The following SLC6A15 variants were observed in gnomAD, a reference collection of about 807,000 sequenced individuals.
The protein encoded by SLC6A15 is sodium-dependent neutral amino acid transporter B(0)AT2.
A neutral mutation model predicts 68.5 loss-of-function variants in SLC6A15; 33 were observed. The ratio of observed to expected loss-of-function variants is 0.48; its 90% CI spans 0.37 to 0.64. The LOEUF (loss-of-function observed/expected upper bound fraction) is 0.64, where lower values mean the gene tolerates loss of function less well. SLC6A15 is among the 30% of genes least tolerant of loss of function. The pLI is 0.00. For missense variants in SLC6A15, 747 were observed against 874.3 expected, an observed-to-expected ratio of 0.85 and a Z score of 1.84; for synonymous variants, 347 against 301.0, an observed-to-expected ratio of 1.15 and a Z score of -1.58.
At chr12:84,893,482 G>A (rs1046352081) in intron 1 of SLC6A15, among the ~76,000 whole-genome samples, 1 of 151,882 alleles carries the variant, frequency 6.6e-6, no homozygotes, top group East Asian at 1.9e-4. Context: ...CACAGACCAA[G>A]TAAATATATA....
At chr12:84,902,432 C>A (rs1305975156) in intron 1 of SLC6A15, among the ~76,000 whole-genome samples, 2 of 151,920 alleles carry the variant, frequency 1.3e-5, no homozygotes, top group Non-Finnish European at 2.9e-5. Flanking sequence ...TACAGCCACT[C>A]TGAAAAACAA....
At chr12:84,891,385 TATC>T (rs1023204502) in intron 2 of SLC6A15, among the ~76,000 whole-genome samples, 3 of 152,182 alleles carry the variant, frequency 2.0e-5, no homozygotes, top group Non-Finnish European at 4.4e-5. Context: ...CTAAGTTACA[TATC>T]ATTTTGTATT....
intron 1 of SLC6A15, among the ~76,000 whole-genome samples, chr12:84,903,958 T>C (rs1873008332): frequency 6.6e-6 from 1 of 152,178 alleles, no homozygotes. Context: ...TGTTCATACA[T>C]CCTTATACAA....
Position 84,873,269 on chromosome 12 carries a change from G to A in SLC6A15, c.927C>T (p.Ala309=). ...WREAATQVFF[A]LGLGFGGVIA... is the part of the protein sequence containing the mutation. Reference sequence around the variant, plus strand: ...TGACACCACCAAATCCCAGACCTAAGGCAAAGAACACTTGAGTAGCAGCTT... The same window carrying A: ...TGACACCACCAAATCCCAGACCTAAAGCAAAGAACACTTGAGTAGCAGCTT... Residue 309 remains alanine, a synonymous_variant, in exon 7 of 12, where the codon GCC becomes GCT. Coordinates refer to ENST00000266682, the MANE Select transcript of SLC6A15 (RefSeq NM_182767.6). 2 of 1,613,970 alleles carry A rather than the reference G, an allele frequency of 1.2e-6. No individual in the cohort carries two copies. Among genetic ancestry groups the A allele is most frequent in the East Asian group, 2.2e-5 (1 of 44,858 alleles).
At chr12:84,897,207 T>TAAATA (rs574836113) in intron 1 of SLC6A15, among the ~76,000 whole-genome samples, 146 of 151,206 alleles carry the variant, frequency 9.7e-4, no homozygotes, top group South Asian at 7.1e-3. Flanking sequence ...TCAAATAAAA[T>TAAATA]AAATAAAATA....
At chr12:84,902,652 AC>A (rs1872939619) in intron 1 of SLC6A15, among the ~76,000 whole-genome samples, 1 of 152,090 alleles carries the variant, frequency 6.6e-6, no homozygotes, top group Non-Finnish European at 1.5e-5. Context: ...ACCATGAACC[AC>A]TACTCAGCAG....
rs751082623 is a variant in SLC6A15, at chr12:84,892,140, T to TAA, written c.-21_-20insTT. On this transcript the variant is annotated 5_prime_UTR_variant, in exon 2 of 12. Transcript: ENST00000266682. ...GGGCATTGGAGAGTATGCGAAGTAT[T>TAA]TAAAAAAAAAAAAAAAAACTCCCTT... 1.4e-5 allele frequency: 19 copies of TAA among 1,399,214 alleles called. No homozygotes were observed. Among genetic ancestry groups the TAA allele is most frequent in the African/African-American group, 5.2e-5 (2 of 38,098 alleles). The allele number at this position is 1,399,214 out of a possible 1,614,324, so 86.7% of individuals were successfully genotyped here. A position where few individuals can be genotyped will look rare whatever the true frequency, so the allele number is the denominator to read the frequency against.
chr12:84,860,845 T>C lies in SLC6A15; in HGVS notation c.*787A>G, dbSNP rs991048934. 4.6e-5 allele frequency: 7 copies of C among 152,284 alleles called. 1 individual carries two copies. The highest frequency in any genetic ancestry group is 3.9e-4 in the East Asian group (2 of 5,192). 9.4% of individuals were successfully genotyped at this position (152,284 alleles called of 1,614,324 possible). A position where few individuals can be genotyped will look rare whatever the true frequency, so the allele number is the denominator to read the frequency against. ...TTGCAAGTATATTGTATAAATATAC[T>C]ATGAATAATCTTGAAACCACAATAA... On this transcript the variant is annotated 3_prime_UTR_variant, in exon 12 of 12. Transcript: ENST00000266682.
At position 84,901,154 on chromosome 12, in the gene SLC6A15, A is replaced by G. The variant is rs550863843; in HGVS notation, c.-188-8846T>C. On this transcript the variant is annotated intron_variant, in intron 1 of 11. Transcript: ENST00000266682. ...AAAGCTTTGAAATGATTTATCTTTT[A>G]TTTTCTGAGAGTACATGTGTAGAAT... 2.0e-5 allele frequency among the ~76,000 whole-genome samples: 3 copies of G among 151,074 alleles called. No individual in the cohort carries two copies. In the South Asian group the frequency reaches 6.2e-4, roughly 31 times the overall value.
rs778757252 is a variant in SLC6A15, at chr12:84,877,439, C to T, written c.757-832G>A. ...AAAACACTCCAGGAATTTCTAATGT[C>T]GTTGGAGTGAAGTGCTGATTCCACC... is the stretch of plus-strand genomic sequence containing the variant. On this transcript the variant is annotated intron_variant, in intron 5 of 11. Transcript: ENST00000266682. Among the ~76,000 whole-genome samples, 13 of 152,236 alleles carry T rather than the reference C, an allele frequency of 8.5e-5. 1 individual carries two copies. The East Asian group carries it at 2.1e-3, about 25-fold the overall frequency.
chr12:84,891,699 A>G (rs1268227515), intron 2 of SLC6A15, 133 bp downstream of exon 2: 1 of 929,594 alleles, frequency 1.1e-6, no homozygotes, highest in Non-Finnish European at 1.6e-6. Flanking sequence ...CTTCCCACAA[A>G]GAAGTGGGTT....
In SLC6A15 at chr12:84,867,101, T is replaced by C. The variant is rs749521920; in HGVS notation, c.1588A>G (p.Thr530Ala). The change falls in exon 10 of 12, where the codon ACA becomes GCA. Residue 530 changes from threonine to alanine, a missense_variant. Transcript: ENST00000266682. ...ATGACTACAATTAGCAGAGGCAGTG[T>C]AGCAGAATAATCATCAAACATTGTA... ...FVTMFDDYSA[T>A]LPLLIVVILE... 4 of 1,612,918 alleles carry C rather than the reference T, an allele frequency of 2.5e-6. No homozygotes were observed. The highest frequency in any genetic ancestry group is 3.4e-6 in the Non-Finnish European group (4 of 1,179,372).
At chr12:84,876,799 G>A (rs1322178149) in intron 5 of SLC6A15, among the ~76,000 whole-genome samples, 192 bp from the exon 6 acceptor site, 1 of 152,082 alleles carries the variant, frequency 6.6e-6, no homozygotes, top group African/African-American at 2.4e-5. Context: ...TTTTATTTGA[G>A]ATACAATTTA....
intron 2 of SLC6A15, among the ~76,000 whole-genome samples, chr12:84,890,687 T>C (rs1268188799): frequency 3.9e-5 from 6 of 152,166 alleles, no homozygotes; most frequent in Non-Finnish European, 5.9e-5. Flanking sequence ...CTTAAACATA[T>C]TTTGTCACCA....
At chr12:84,872,377 T>C (rs1871323571) in intron 8 of SLC6A15, among the ~76,000 whole-genome samples, 1 of 152,138 alleles carries the variant, frequency 6.6e-6, no homozygotes, top group Non-Finnish European at 1.5e-5. Context: ...GCTCAATCAA[T>C]GAAATAACTT....
Position 84,860,333 on chromosome 12 carries a change from A to G in SLC6A15, c.*1299T>C, listed in dbSNP as rs1870793775. 6.6e-6 allele frequency: 1 copy of G among 152,146 alleles called. No individual in the cohort carries two copies. The highest frequency in any genetic ancestry group is 1.5e-5 in the Non-Finnish European group (1 of 67,962). 9.4% of individuals were successfully genotyped at this position (152,146 alleles called of 1,614,324 possible). A position where few individuals can be genotyped will look rare whatever the true frequency, so the allele number is the denominator to read the frequency against. ...CTCTGCTCTATCCAATTTCATATAT[A>G]CAACAGTTTTATTTAAAAATCATAG... On this transcript the variant is annotated 3_prime_UTR_variant, in exon 12 of 12. Coordinates refer to ENST00000266682, the MANE Select transcript of SLC6A15 (RefSeq NM_182767.6).
intron 6 of SLC6A15, among the ~76,000 whole-genome samples, chr12:84,875,166 A>T (rs2120587849): frequency 6.6e-6 from 1 of 152,304 alleles, no homozygotes; most frequent in Admixed American, 6.5e-5. Context: ...TTCACACAGA[A>T]TTTTGGTTGT....
intron 9 of SLC6A15, among the ~76,000 whole-genome samples, chr12:84,868,123 A>G (rs1033847614): frequency 1.3e-5 from 2 of 152,110 alleles, no homozygotes; most frequent in Non-Finnish European, 2.9e-5. Flanking sequence ...CTCCCTAACA[A>G]TTTCAGCAAG....
intron 9 of SLC6A15, among the ~76,000 whole-genome samples, chr12:84,869,454 G>A (rs1871197423): frequency 9.7e-6 from 1 of 103,034 alleles, no homozygotes; most frequent in Non-Finnish European, 1.8e-5. Context: ...GACAGAGCAA[G>A]ACTCCGTCTC....
Sources: gnomAD v4.1 joint callset for allele counts (sites outside exome capture counted in the v4.1 genomes callset) on GRCh38, gnomAD v4.1.1 for gene constraint, MANE v1.5 for transcripts, NCBI Gene and HGNC (gene_info 2026-07-23, HGNC 2026-07-21) for gene names.